PDXDC1: variants seen among roughly 807,000 people sequenced by gnomAD.
PDXDC1 encodes pyridoxal-dependent decarboxylase domain-containing protein 1.
PDXDC1 carries 42 observed loss-of-function variants against 100.1 expected under a neutral mutation model. The ratio of observed to expected loss-of-function variants is 0.42; its 90% CI spans 0.33 to 0.54. The LOEUF (loss-of-function observed/expected upper bound fraction) is 0.54, where lower values mean the gene tolerates loss of function less well. PDXDC1 is among the 20% of genes least tolerant of loss of function. PDXDC1 has a pLI of 0.10. For synonymous variants in PDXDC1, 260 were observed against 371.7 expected (o/e 0.70, Z 3.46); for missense variants, 636 against 979.2 (o/e 0.65, Z 4.68).
chr16:15,112,077 C>G (rs1431056613), intron 16 of PDXDC1, among the ~76,000 whole-genome samples: 3 of 148,084 alleles, frequency 2.0e-5, no homozygotes, highest in African/African-American at 7.3e-5. Context: ...TCACTAATGA[C>G]TGAATTCCCA....
intron 1 of PDXDC1, among the ~76,000 whole-genome samples, chr16:14,996,712 C>A (rs1458258895): frequency 9.2e-5 from 14 of 152,260 alleles, no homozygotes; most frequent in Admixed American, 7.9e-4. Context: ...TGAAAATTAG[C>A]CAGGCATGGT....
intron 16 of PDXDC1, among the ~76,000 whole-genome samples, chr16:15,030,544 CAAAAAAAAAAA>C (rs1156634836): frequency 1.0e-4 from 4 of 38,388 alleles, no homozygotes; most frequent in African/African-American, 4.3e-4. Context: ...GACTCCATCT[CAAAAAAAAAAA>C]AAAAAAAAAA....
At chr16:15,150,160 C>A in the PDXDC1 span, among the ~76,000 whole-genome samples, 4 of 151,710 alleles carry the variant, frequency 2.6e-5, no homozygotes, top group African/African-American at 9.7e-5. Flanking sequence ...CTGGCTAACA[C>A]GGTGAAACCC....
chr16:15,021,112 C>A (rs1420873844), intron 12 of PDXDC1, among the ~76,000 whole-genome samples: 1 of 152,286 alleles, frequency 6.6e-6, no homozygotes, highest in African/African-American at 2.4e-5. Context: ...TGCAGTGGCT[C>A]ATGCCTATAA....
intron 1 of PDXDC1, among the ~76,000 whole-genome samples, chr16:14,987,768 C>T (rs1204002068): frequency 6.6e-5 from 10 of 152,266 alleles, no homozygotes; most frequent in African/African-American, 1.9e-4. Context: ...CCCCCCACCA[C>T]GCCTGGCTAA....
chr16:15,072,890 G>A (rs769879080), intron 16 of PDXDC1: 7 of 1,580,078 alleles, frequency 4.4e-6, no homozygotes, highest in Non-Finnish European at 6.0e-6. Flanking sequence ...CAGTTTTTAG[G>A]GAAAATTTTT....
At chr16:15,056,031 G>C (rs1001284590) in intron 16 of PDXDC1, 11 of 837,220 alleles carry the variant, frequency 1.3e-5, no homozygotes, top group South Asian at 5.5e-5. Context: ...TTGCAGCCCC[G>C]GGCCGCCCGC....
chr16:15,041,577 G>A, downstream of PDXDC1: 11 of 1,388,962 alleles, frequency 7.9e-6, no homozygotes, highest in Non-Finnish European at 1.1e-5. Context: ...GGACAAAACG[G>A]TCCTGAGACC....
Position 15,126,281 on chromosome 16 carries a change from C to CCCGCCT in PDXDC1, c.1400-12589_1400-12584dup, listed in dbSNP as rs1226990035. Among the ~76,000 whole-genome samples the CCCGCCT allele has an allele frequency of 2.2e-5, 3 of 135,568 alleles. No homozygotes were observed. The East Asian group carries it at 6.5e-4, about 29-fold the overall frequency. 88.9% of individuals were successfully genotyped at this position (135,568 alleles called of 152,430 possible). On this transcript the variant is annotated intron_variant, in intron 16 of 16. Coordinates refer to the PDXDC1 transcript ENST00000535621. ...GGAACTCCTGACCTCAAGTGATCTG[C>CCCGCCT]CCGCCTCCGCCTCCCAAAGTGCTGG...
intron 16 of PDXDC1, chr16:15,048,107 AT>A (rs1235653611): frequency 6.4e-7 from 1 of 1,551,458 alleles, no homozygotes; most frequent in Non-Finnish European, 8.8e-7. Context: ...TTCCTGTTTA[AT>A]TAAAAAAAAA....
intron 16 of PDXDC1, among the ~76,000 whole-genome samples, chr16:15,055,535 C>T (rs373231249): frequency 6.6e-6 from 1 of 152,222 alleles, no homozygotes; most frequent in Non-Finnish European, 1.5e-5. Context: ...CGAAGGCGGG[C>T]GGCCGGATTT....
intron 16 of PDXDC1, among the ~76,000 whole-genome samples, chr16:15,043,760 C>T (rs2043929802): frequency 6.6e-6 from 1 of 152,052 alleles, no homozygotes; most frequent in Admixed American, 6.5e-5. Context: ...CCAGCCTGGC[C>T]AACATGGTGA....
intron 16 of PDXDC1, chr16:15,130,094 G>A (rs1487910208): frequency 3.8e-5 from 55 of 1,444,590 alleles, no homozygotes; most frequent in East Asian, 9.5e-5. Context: ...GGACACAGCC[G>A]CCGGGCCCAG....
At chr16:15,034,120 CA>C in intron 19 of PDXDC1, 165 bp from the exon 20 acceptor site, 2 of 621,062 alleles carry the variant, frequency 3.2e-6, no homozygotes, top group Non-Finnish European at 5.7e-6. Context: ...CCTCTATGAG[CA>C]TGTTATCTGC....
chr16:15,086,201 C>T lies in PDXDC1; in HGVS notation c.1400-52678C>T, dbSNP rs745324800. 8 of 1,587,688 alleles carry T rather than the reference C, an allele frequency of 5.0e-6. No individual in the cohort carries two copies. In the Admixed American group the frequency reaches 6.8e-5, roughly 14 times the overall value. ...ACAGTCTGTGCTGATACAAGATTAC[C>T]AAGAAAAGCCAAATACTCTTCCACT... On this transcript the variant is annotated intron_variant, in intron 16 of 16. Transcript: ENST00000535621.
intron 16 of PDXDC1, among the ~76,000 whole-genome samples, chr16:15,064,203 T>C (rs1425168939): frequency 6.6e-6 from 1 of 151,630 alleles, no homozygotes; most frequent in Non-Finnish European, 1.5e-5. Context: ...TGAGACAGAG[T>C]CTCACTCTCT....
intron 1 of PDXDC1, among the ~76,000 whole-genome samples, chr16:14,978,437 T>G (rs1967193883): frequency 6.6e-6 from 1 of 152,310 alleles, no homozygotes; most frequent in African/African-American, 2.4e-5. Context: ...TCACCCAGGC[T>G]GGAGAGCCGT....
At position 15,024,242 on chromosome 16, in the gene PDXDC1, TCATCAC is replaced by T. The variant is rs1451478447; in HGVS notation, c.1140+1503_1140+1508del. Among the ~76,000 whole-genome samples, 35 of 152,356 alleles carry T rather than the reference TCATCAC, an allele frequency of 2.3e-4. No individual in the cohort carries two copies. In the South Asian group the frequency reaches 2.9e-3, roughly 13 times the overall value. On this transcript the variant is annotated intron_variant, in intron 13 of 22. Transcript: ENST00000396410. ...AGGCATTATGGCCTGTGAGTCCTCATCATCACCATCACCATCACCACCATTCCAGCT... is the reference window on the plus strand; with the variant it reads ...AGGCATTATGGCCTGTGAGTCCTCATCATCACCATCACCACCATTCCAGCT...
At chr16:15,092,083 G>T (rs2046154016) in intron 16 of PDXDC1, among the ~76,000 whole-genome samples, 1 of 152,152 alleles carries the variant, frequency 6.6e-6, no homozygotes, top group South Asian at 2.1e-4. Flanking sequence ...GAAGACTGAG[G>T]CAGGAGAATT....
Sources: allele counts gnomAD v4.1 joint callset (sites outside exome capture counted in the v4.1 genomes callset), GRCh38; gene constraint gnomAD v4.1.1; transcripts MANE v1.5; gene names NCBI Gene and HGNC (gene_info 2026-07-23, HGNC 2026-07-21).